Variants in TMEM63A observed in about 807,000 individuals in gnomAD.
TMEM63A encodes the protein transmembrane protein 63A.
A neutral mutation model predicts 100.6 loss-of-function variants in TMEM63A; 76 were observed. The observed-to-expected ratio is 0.76, with a 90% confidence interval of 0.63 to 0.91. The LOEUF is 0.91. Ranked by LOEUF, TMEM63A falls within the 40% of genes least tolerant of loss-of-function variation. TMEM63A has a pLI of 0.00. For missense variants in TMEM63A, 876 were observed against 1,008.8 expected, an observed-to-expected ratio of 0.87 and a Z score of 1.78; for synonymous variants, 401 against 401.1, an observed-to-expected ratio of 1.00 and a Z score of 0.00.
rs144925210 is a variant in TMEM63A at position 225,849,943 on chromosome 1, G to A, written c.2040C>T (p.Phe680=). The stretch of plus-strand genomic sequence containing the variant: ...GCAGGAAGGAAAAGAAGTAGAGCCA[G>A]AAGAGGCACAGGATGGGGGCTGCCA... The part of the protein sequence containing the change: ...QALAAPILCL[F]WLYFFSFLRL... Residue 680 remains phenylalanine, a synonymous_variant, in exon 21 of 25, where the codon TTC becomes TTT. Coordinates refer to ENST00000366835, the MANE Select transcript of TMEM63A (RefSeq NM_014698.3). 134 of 1,614,120 alleles carry A rather than the reference G, an allele frequency of 8.3e-5. No individual in the cohort carries two copies. Among genetic ancestry groups the A allele is most frequent in the Non-Finnish European group, 1.1e-4 (128 of 1,180,056 alleles).
chr1:225,881,594 A>C (rs977226528), intron 1 of TMEM63A, among the ~76,000 whole-genome samples: 1 of 152,172 alleles, frequency 6.6e-6, no homozygotes, highest in Non-Finnish European at 1.5e-5. Flanking sequence ...AAGGCACAGC[A>C]GACTTGAGGA....
intron 14 of TMEM63A, 35 bp downstream of exon 14, chr1:225,860,824 GC>G (rs766123720): frequency 6.4e-7 from 1 of 1,564,842 alleles, no homozygotes; most frequent in South Asian, 1.2e-5. Flanking sequence ...AGGAACCCAG[GC>G]CTCTCTCCCA....
intron 5 of TMEM63A, 105 bp from the exon 6 acceptor site, chr1:225,871,218 T>TA (rs1670494857): frequency 1.6e-5 from 19 of 1,198,018 alleles, no homozygotes; most frequent in Non-Finnish European, 2.0e-5. Flanking sequence ...TCCTGTTGTA[T>TA]AAAAAACAGT....
chr1:225,851,672 G>A (rs1669348642), intron 20 of TMEM63A, among the ~76,000 whole-genome samples: 1 of 152,094 alleles, frequency 6.6e-6, no homozygotes, highest in Non-Finnish European at 1.5e-5. Flanking sequence ...CCCAGCCCCA[G>A]GTTCTTTTTT....
intron 18 of TMEM63A, among the ~76,000 whole-genome samples, chr1:225,855,250 T>C (rs1348514812): frequency 1.3e-5 from 2 of 152,208 alleles, no homozygotes; most frequent in Admixed American, 1.3e-4. Context: ...ACCAGCTGGA[T>C]AAACTTGGGC....
Position 225,853,215 on chromosome 1 carries a change from AGAG to A in TMEM63A, c.1797+411_1797+413del, listed in dbSNP as rs1222377021. On this transcript the variant is annotated intron_variant, in intron 19 of 24. Coordinates refer to ENST00000366835, the MANE Select transcript of TMEM63A (RefSeq NM_014698.3). This position sits in a 1 kb window ranked among gnomAD's most constrained non-coding sequence, Gnocchi z 4.0. ...TTCCTCGCACAGTGCCCACCATGGC[AGAG>A]GAGAATAAAAGAGAAAGCCACACCC... Among the ~76,000 whole-genome samples, 1 of 152,226 alleles carries A rather than the reference AGAG, an allele frequency of 6.6e-6. No individual in the cohort carries two copies. The highest frequency in any genetic ancestry group is 1.5e-5 in the Non-Finnish European group (1 of 68,040).
chr1:225,851,036 G>A (rs1669307999), intron 20 of TMEM63A, among the ~76,000 whole-genome samples: 1 of 152,084 alleles, frequency 6.6e-6, no homozygotes. Flanking sequence ...CCGTCGCTGG[G>A]TCAGGGTCTG....
At chr1:225,842,412 A>G, downstream of TMEM63A, 1 of 1,614,126 alleles carries the variant, frequency 6.2e-7, no homozygotes, top group Non-Finnish European at 8.5e-7. Flanking sequence ...CCTATATTCT[A>G]GAGAAGTTTT....
chr1:225,877,206 T>C (rs978185067), intron 3 of TMEM63A, among the ~76,000 whole-genome samples, 189 bp downstream of exon 3: 7 of 152,198 alleles, frequency 4.6e-5, no homozygotes, highest in Admixed American at 4.6e-4. Context: ...ATGATCTCCA[T>C]TTCCGGAGCA....
rs1670160763 is a variant in TMEM63A, at chr1:225,865,585, TCAA to T, written c.746+309_746+311del. ...AAAGGTGATGCTAAGAACCCCGGGG[TCAA>T]CAATTTTTTCCCCCGTATGCTCTCA... On this transcript the variant is annotated intron_variant, in intron 10 of 24. Coordinates refer to ENST00000366835, the MANE Select transcript of TMEM63A (RefSeq NM_014698.3). The surrounding 1 kb of genome is among the most constrained non-coding windows in gnomAD (Gnocchi z 4.6). 2 of 283,808 alleles carry T rather than the reference TCAA, an allele frequency of 7.0e-6. No homozygotes were observed. Among genetic ancestry groups the T allele is most frequent in the South Asian group, 1.2e-4 (2 of 16,032 alleles). The allele number at this position is 283,808 out of a possible 1,614,324, so 17.6% of individuals were successfully genotyped here.
rs1432661692 is a variant in TMEM63A at position 225,874,384 on chromosome 1, A to C, written c.187-17T>G. On this transcript the variant is annotated splice_polypyrimidine_tract_variant and intron_variant, in intron 3 of 24. Transcript: ENST00000366835. ...GATTAAGAACTAAAAACAGAAAAGAAACCAAGTAAAAGCATATTGGATGGC... is the reference window on the plus strand; with the variant it reads ...GATTAAGAACTAAAAACAGAAAAGACACCAAGTAAAAGCATATTGGATGGC... 6.2e-7 allele frequency: 1 copy of C among 1,608,552 alleles called. No individual in the cohort carries two copies. The highest frequency in any genetic ancestry group is 8.5e-7 in the Non-Finnish European group (1 of 1,176,964).
downstream of TMEM63A, chr1:225,842,247 G>C (rs1328439380): frequency 2.0e-5 from 16 of 782,096 alleles, no homozygotes; most frequent in Non-Finnish European, 3.4e-5. Context: ...GCCTGTGCTC[G>C]AACGTGGCTT....
chr1:225,857,376 C>CGGGGT (rs1213111924), intron 15 of TMEM63A, among the ~76,000 whole-genome samples: 6 of 3,258 alleles, frequency 1.8e-3, no homozygotes, highest in African/African-American at 3.7e-3. Flanking sequence ...GAGTCCTGGC[C>CGGGGT]GGCGGGGCGG....
chr1:225,855,837 C>A (rs781391874), intron 18 of TMEM63A, 41 bp downstream of exon 18: 2 of 1,607,774 alleles, frequency 1.2e-6, no homozygotes, highest in Non-Finnish European at 1.7e-6. Context: ...GGGACTTTCA[C>A]CCAGGGCCAT....
chr1:225,875,671 G>A (rs360091), intron 3 of TMEM63A, among the ~76,000 whole-genome samples: 80,358 of 151,850 alleles, frequency 0.53, 23,098 homozygotes, highest in Middle Eastern at 0.65. Context: ...TGCCGCCCTG[G>A]CCTGTGCAGT....
At chr1:225,876,809 G>A (rs775650506) in intron 3 of TMEM63A, among the ~76,000 whole-genome samples, 5 of 151,922 alleles carry the variant, frequency 3.3e-5, no homozygotes, top group Non-Finnish European at 5.9e-5. Flanking sequence ...CACCACACCC[G>A]GCTAATTTTT....
Position 225,865,961 on chromosome 1 carries a change from G to T in TMEM63A, c.682C>A (p.Arg228=). The change falls in exon 10 of 25, where the codon CGG becomes AGG. Residue 228 remains arginine (R), a synonymous_variant. Transcript: ENST00000366835. The surrounding 1 kb of genome is among the most constrained non-coding windows in gnomAD (Gnocchi z 4.6). ...IKYKEENLVR[R]TLFITGLPRD... is the part of the protein sequence containing the mutation. ...GGGAGTCCTGTGATGAACAGGGTCC[G>T]CCTCACCTGTCCGGGAAATACAGCA... 1 of 1,613,870 alleles carries T rather than the reference G, an allele frequency of 6.2e-7. No individual in the cohort carries two copies. Among genetic ancestry groups the T allele is most frequent in the Non-Finnish European group, 8.5e-7 (1 of 1,179,866 alleles).
At chr1:225,859,733 C>A (rs1669840750) in intron 14 of TMEM63A, 1 of 198,392 alleles carries the variant, frequency 5.0e-6, no homozygotes, top group Non-Finnish European at 1.0e-5. Context: ...GCAACCTCTG[C>A]CTCCCAGGTT....
At chr1:225,848,688 A>C in intron 22 of TMEM63A, 134 bp from the exon 23 acceptor site, 2 of 1,012,884 alleles carry the variant, frequency 2.0e-6, no homozygotes, top group Non-Finnish European at 2.9e-6. Flanking sequence ...AGCCCGAGAG[A>C]GGATGGGGTG....
Sources: allele counts gnomAD v4.1 joint callset (sites outside exome capture counted in the v4.1 genomes callset), GRCh38; gene constraint gnomAD v4.1.1; non-coding constraint Gnocchi (gnomAD v3.1); transcripts MANE v1.5; gene names NCBI Gene and HGNC (gene_info 2026-07-23, HGNC 2026-07-21).